The following DLC1 variants were observed in gnomAD, a reference collection of about 807,000 sequenced individuals.
DLC1 encodes the protein DLC1 Rho GTPase activating protein.
DLC1 carries 54 observed loss-of-function variants against 140.3 expected under a neutral mutation model. The observed-to-expected ratio is 0.38, with a 90% CI of 0.31 to 0.48. DLC1 has a LOEUF of 0.48. Ranked by LOEUF, DLC1 falls within the 20% of genes least tolerant of loss-of-function variation. The probability of loss-of-function intolerance (pLI) is 0.96; values close to 1 mark genes in which losing one functional copy is unlikely to be tolerated. For synonymous variants in DLC1, 986 were observed against 728.1 expected (o/e 1.35, Z -5.70); for missense variants, 2,536 against 1,907.0 (o/e 1.33, Z -6.14).
intron 5 of DLC1, among the ~76,000 whole-genome samples, chr8:13,230,742 G>A (rs1043393014): frequency 7.9e-5 from 12 of 151,722 alleles, no homozygotes; most frequent in African/African-American, 2.9e-4. Flanking sequence ...GATTACAAGA[G>A]CCCACCACCA....
intron 5 of DLC1, among the ~76,000 whole-genome samples, chr8:13,118,549 T>C (rs1820769780): frequency 6.6e-6 from 1 of 152,204 alleles, no homozygotes; most frequent in African/African-American, 2.4e-5. Flanking sequence ...AACCCACTGC[T>C]TTGTAGAAAT....
intron 5 of DLC1, among the ~76,000 whole-genome samples, chr8:13,275,971 C>T (rs1831146092): frequency 6.6e-6 from 1 of 152,212 alleles, no homozygotes; most frequent in Non-Finnish European, 1.5e-5. Context: ...AAGGACCTTG[C>T]TTCTCTTTTG....
At chr8:13,168,757 A>G (rs1825268474) in intron 5 of DLC1, among the ~76,000 whole-genome samples, 1 of 152,230 alleles carries the variant, frequency 6.6e-6, no homozygotes, top group Non-Finnish European at 1.5e-5. Context: ...CAAACCGATT[A>G]TCGACAGGCA....
upstream of DLC1, among the ~76,000 whole-genome samples, chr8:13,516,341 C>A (rs1416871220): frequency 2.0e-5 from 3 of 152,104 alleles, no homozygotes; most frequent in Non-Finnish European, 4.4e-5. Context: ...CTATCCTGTT[C>A]TTCTCTGAAA....
rs374106417 is a variant in DLC1 at position 13,457,844 on chromosome 8, T to G, written c.1023+41205A>C. On this transcript the variant is annotated intron_variant, in intron 2 of 17. Coordinates refer to ENST00000276297, the MANE Select transcript of DLC1 (RefSeq NM_182643.3). ...TGCTTGCGTAGAAGGAAGAAAAACATGAATTTCTTAAACCTTTACTTTTTG... is the reference window on the plus strand; with the variant it reads ...TGCTTGCGTAGAAGGAAGAAAAACAGGAATTTCTTAAACCTTTACTTTTTG... Among the ~76,000 whole-genome samples the G allele has an allele frequency of 1.7e-4, 26 of 152,090 alleles. No individual in the cohort carries two copies. In the East Asian group the frequency reaches 2.9e-3, roughly 17 times the overall value.
At chr8:13,138,815 T>C (rs540263426) in intron 5 of DLC1, among the ~76,000 whole-genome samples, 2 of 152,012 alleles carry the variant, frequency 1.3e-5, no homozygotes, top group African/African-American at 4.8e-5. Context: ...AATGCTGGAG[T>C]GTAGGATGAA....
chr8:13,530,441 C>T (rs1803057712), intron 1 of DLC1, among the ~76,000 whole-genome samples: 1 of 152,180 alleles, frequency 6.6e-6, no homozygotes, highest in Non-Finnish European at 1.5e-5. Flanking sequence ...AGAAGATACT[C>T]AGTTTCTGGT....
intron 1 of DLC1, among the ~76,000 whole-genome samples, chr8:13,506,181 A>T (rs1802056102): frequency 6.6e-6 from 1 of 152,182 alleles, no homozygotes; most frequent in African/African-American, 2.4e-5. Flanking sequence ...ACATATATAC[A>T]CATATGTATA....
rs1818784394 is a variant in DLC1 at position 13,099,350 on chromosome 8, T to C, written c.2987A>G (p.Asn996Ser). The stretch of plus-strand genomic sequence containing the variant: ...GAGGCAGGAGAAAAGTTCTTACCTG[T>C]TGGACCTGGTTAGGGAAGCCCCAAC... ...SGVGASLTRS[N>S]RHRLRWHSFQ... The change falls in exon 9 of 18, where the codon AAC (asparagine) becomes AGC (serine). Residue 996 changes from asparagine (N) to serine (S), a missense_variant. Physicochemically the swap from Asn to Ser is conservative, Grantham distance 46. Transcript: ENST00000276297. 1.2e-6 allele frequency: 2 copies of C among 1,613,020 alleles called. No homozygotes were observed. Among genetic ancestry groups the C allele is most frequent in the African/African-American group, 2.7e-5 (2 of 74,962 alleles).
chr8:13,565,385 G>T (rs901492304), intron 1 of DLC1, among the ~76,000 whole-genome samples: 1 of 152,144 alleles, frequency 6.6e-6, no homozygotes, highest in African/African-American at 2.4e-5. Context: ...ATATGAATGT[G>T]TAAATATTCA....
intron 5 of DLC1, among the ~76,000 whole-genome samples, chr8:13,200,668 A>G (rs1225595893): frequency 6.6e-6 from 1 of 151,838 alleles, no homozygotes; most frequent in Non-Finnish European, 1.5e-5. Flanking sequence ...GCAGTAGTAC[A>G]GTCATAAGTC....
intron 2 of DLC1, among the ~76,000 whole-genome samples, chr8:13,410,340 C>G (rs749865806): frequency 6.6e-6 from 1 of 152,054 alleles, no homozygotes; most frequent in Non-Finnish European, 1.5e-5. Flanking sequence ...TGCTTGTTAT[C>G]ACATATTCTA....
intron 4 of DLC1, among the ~76,000 whole-genome samples, chr8:13,357,317 C>T (rs1208984421): frequency 6.6e-6 from 1 of 152,172 alleles, no homozygotes; most frequent in Non-Finnish European, 1.5e-5. Flanking sequence ...CATCCAAATT[C>T]ACTGTTTGAC....
At chr8:13,295,942 G>C (rs13250733) in intron 5 of DLC1, among the ~76,000 whole-genome samples, 1 of 72,872 alleles carries the variant, frequency 1.4e-5, no homozygotes, top group Admixed American at 2.0e-4. Flanking sequence ...AAGATTCTTT[G>C]TTTTTTTTTT....
intron 4 of DLC1, among the ~76,000 whole-genome samples, chr8:13,355,188 T>TG (rs59132995): frequency 0.84 from 126,937 of 151,780 alleles, 53,366 homozygotes; most frequent in East Asian, 0.97. Flanking sequence ...AAACTAAAAC[T>TG]TATTATCTGT....
rs754860914 is a variant in DLC1, at chr8:13,438,993, C to T, written c.1024-37374G>A. Among the ~76,000 whole-genome samples the T allele has an allele frequency of 3.0e-4, 45 of 152,230 alleles. 1 individual carries two copies. Among genetic ancestry groups the T allele is most frequent in the South Asian group, 1.2e-3 (6 of 4,818 alleles). ...AAAACAGCCATAGACACTATGTATACAAATAATTGTGCCTGTATTCCAATA... is the reference window on the plus strand; with the variant it reads ...AAAACAGCCATAGACACTATGTATATAAATAATTGTGCCTGTATTCCAATA... On this transcript the variant is annotated intron_variant, in intron 2 of 17. Coordinates refer to ENST00000276297, the MANE Select transcript of DLC1 (RefSeq NM_182643.3).
intron 5 of DLC1, among the ~76,000 whole-genome samples, chr8:13,156,194 T>G (rs745389688): frequency 1.3e-4 from 20 of 152,202 alleles, no homozygotes; most frequent in Non-Finnish European, 2.2e-4. Context: ...TAATATATTA[T>G]TAAGCTTACT....
intron 1 of DLC1, among the ~76,000 whole-genome samples, chr8:13,550,140 C>T (rs747773853): frequency 3.9e-5 from 6 of 152,164 alleles, no homozygotes; most frequent in Non-Finnish European, 8.8e-5. Flanking sequence ...CTGTAATGCT[C>T]ATTGTCAAGG....
chr8:13,238,274 A>G (rs912802624), intron 5 of DLC1, among the ~76,000 whole-genome samples: 4 of 152,136 alleles, frequency 2.6e-5, no homozygotes, highest in Non-Finnish European at 4.4e-5. Flanking sequence ...TAGCTCTACA[A>G]ACTAATTTTG....
Sources: allele counts gnomAD v4.1 joint callset (sites outside exome capture counted in the v4.1 genomes callset), GRCh38; gene constraint gnomAD v4.1.1; transcripts MANE v1.5; gene names NCBI Gene and HGNC (gene_info 2026-07-23, HGNC 2026-07-21).